Variants in RAB33A observed in about 807,000 individuals in gnomAD.
The protein encoded by RAB33A is ras-related protein Rab-33A.
RAB33A carries 6 observed loss-of-function variants against 12.0 expected under a neutral mutation model. The ratio of observed to expected loss-of-function variants is 0.50; its 90% CI spans 0.27 to 0.99. The LOEUF is 0.99. Ranked by LOEUF, RAB33A falls within the 50% of genes least tolerant of loss-of-function variation. RAB33A has a pLI of 0.11. For synonymous variants in RAB33A, 70 were observed against 82.4 expected (o/e 0.85, Z 0.81); for missense variants, 109 against 192.0 (o/e 0.57, Z 2.55).
chrX:130,123,740 G>A, the RAB33A span, among the ~76,000 whole-genome samples: 10 of 107,143 alleles, frequency 9.3e-5, no homozygotes, highest in Non-Finnish European at 1.5e-4. Flanking sequence ...AAACAAGAGG[G>A]GAAGACTGCA....
At chrX:130,150,437 G>A in the RAB33A span, among the ~76,000 whole-genome samples, 9 of 92,819 alleles carry the variant, frequency 9.7e-5, no homozygotes, top group Middle Eastern at 5.8e-3. Flanking sequence ...CCGGGTTCAC[G>A]CCATTCTCCT....
the RAB33A span, chrX:130,165,524 G>C: frequency 8.7e-7 from 1 of 1,151,657 alleles, no homozygotes; most frequent in Non-Finnish European, 1.2e-6. Context: ...CCTCGGACTT[G>C]GAGGTTGCCT....
the RAB33A span, chrX:130,165,432 A>G: frequency 1.6e-6 from 1 of 614,285 alleles, no homozygotes; most frequent in Non-Finnish European, 2.7e-6. Context: ...CCAATTTGGA[A>G]TTCACGTGAC....
the RAB33A span, among the ~76,000 whole-genome samples, chrX:130,112,199 G>T: frequency 2.7e-5 from 3 of 111,946 alleles, no homozygotes; most frequent in African/African-American, 9.7e-5. Flanking sequence ...GAGACCTCCT[G>T]GATACTCAGA....
chrX:130,142,795 G>A, the RAB33A span, among the ~76,000 whole-genome samples: 1 of 110,846 alleles, frequency 9.0e-6, no homozygotes, highest in African/African-American at 3.3e-5. Flanking sequence ...ACAGGTGTGC[G>A]CCACCACACC....
the RAB33A span, among the ~76,000 whole-genome samples, chrX:130,118,186 T>C: frequency 1.8e-5 from 2 of 110,758 alleles, no homozygotes; most frequent in African/African-American, 3.3e-5. Flanking sequence ...TTCAGGAGAG[T>C]TGGGGAGGGC....
At chrX:130,119,082 G>A in the RAB33A span, among the ~76,000 whole-genome samples, 1 of 111,522 alleles carries the variant, frequency 9.0e-6, no homozygotes, top group Admixed American at 9.5e-5. Flanking sequence ...CCAGGGACGG[G>A]AGAGGGGCTG....
the RAB33A span, among the ~76,000 whole-genome samples, chrX:130,161,513 GAA>G: frequency 8.9e-4 from 54 of 60,906 alleles, no homozygotes; most frequent in South Asian, 6.4e-3. Context: ...TCTGTTTGAA[GAA>G]AAAAAAAAAA....
chrX:130,142,853 C>T, the RAB33A span, among the ~76,000 whole-genome samples: 3 of 111,275 alleles, frequency 2.7e-5, no homozygotes, highest in Non-Finnish European at 3.8e-5. Flanking sequence ...ACCATGTTGG[C>T]CAGGCTGGTC....
At chrX:130,151,376 T>G in the RAB33A span, among the ~76,000 whole-genome samples, 1 of 111,129 alleles carries the variant, frequency 9.0e-6, no homozygotes, top group Non-Finnish European at 1.9e-5. Context: ...CCTGACCTTG[T>G]GATCCACCCA....
At chrX:130,156,994 T>A in the RAB33A span, among the ~76,000 whole-genome samples, 15 of 111,689 alleles carry the variant, frequency 1.3e-4, no homozygotes, top group Non-Finnish European at 2.4e-4. Flanking sequence ...TAACAACCAT[T>A]TAAGGAGTAA....
At chrX:130,144,279 T>C in the RAB33A span, among the ~76,000 whole-genome samples, 2 of 111,524 alleles carry the variant, frequency 1.8e-5, no homozygotes, top group Non-Finnish European at 3.8e-5. Flanking sequence ...TAGTCTTGTC[T>C]CACTGAAATC....
At chrX:130,181,245 T>C (rs1430009373) in intron 1 of RAB33A, among the ~76,000 whole-genome samples, 1 of 110,214 alleles carries the variant, frequency 9.1e-6, no homozygotes, top group Non-Finnish European at 1.9e-5. Flanking sequence ...GCCTGGACAA[T>C]GAAAACTGAT....
At chrX:130,178,798 T>C (rs1170916786) in intron 1 of RAB33A, among the ~76,000 whole-genome samples, 1 of 108,172 alleles carries the variant, frequency 9.2e-6, no homozygotes. Context: ...ACTACAGGCG[T>C]CCACCACCAC....
the RAB33A span, among the ~76,000 whole-genome samples, chrX:130,124,780 T>C: frequency 9.8e-5 from 11 of 111,683 alleles, no homozygotes; most frequent in Non-Finnish European, 2.1e-4. Context: ...AGGATTCAGG[T>C]TGGGTCAGGG....
At chrX:130,112,661 G>A in the RAB33A span, among the ~76,000 whole-genome samples, 2 of 111,534 alleles carry the variant, frequency 1.8e-5, no homozygotes, top group Non-Finnish European at 3.8e-5. Context: ...GAGGTCAGGA[G>A]TTCAAGACCA....
At chrX:130,127,707 T>TTTTTTTTG in the RAB33A span, among the ~76,000 whole-genome samples, 1 of 98,639 alleles carries the variant, frequency 1.0e-5, no homozygotes, top group Non-Finnish European at 2.0e-5. Context: ...TTTTTTTTTT[T>TTTTTTTTG]GAGATGGAAT....
chrX:130,158,704 T>TAAAAAAAAAAAA, the RAB33A span, among the ~76,000 whole-genome samples: 9 of 44,078 alleles, frequency 2.0e-4, no homozygotes, highest in African/African-American at 8.0e-4. Context: ...GCTGATGAGC[T>TAAAAAAAAAAAA]AAAAAAAAAA....
chrX:130,125,255 T>C, the RAB33A span, among the ~76,000 whole-genome samples: 11 of 111,666 alleles, frequency 9.9e-5, no homozygotes, highest in African/African-American at 3.3e-4. Context: ...AGAGGATCTC[T>C]GGTTTCCATC....
Sources: gnomAD v4.1 joint callset for allele counts (sites outside exome capture counted in the v4.1 genomes callset) on GRCh38, gnomAD v4.1.1 for gene constraint, MANE v1.5 for transcripts, NCBI Gene and HGNC (gene_info 2026-07-23, HGNC 2026-07-21) for gene names.